PDE4D: variants seen among roughly 807,000 people sequenced by gnomAD.
PDE4D encodes the protein phosphodiesterase 4D, also known as 3',5'-cyclic-AMP phosphodiesterase 4D.
Under a neutral mutation model 87.4 loss-of-function variants are expected in PDE4D, and 24 were observed. That is an observed-to-expected ratio of 0.27 (90% CI 0.20 to 0.39). The LOEUF (loss-of-function observed/expected upper bound fraction) is 0.39, where lower values mean the gene tolerates loss of function less well. PDE4D is among the 10% of genes least tolerant of loss of function. The probability of loss-of-function intolerance (pLI) is 1.00; values close to 1 mark genes in which losing one functional copy is unlikely to be tolerated. For missense variants in PDE4D, 714 were observed against 1,041.0 expected (o/e 0.69, Z 4.32); for synonymous variants, 384 against 383.2 (o/e 1.00, Z -0.02).
chr5:58,973,953 GCA>G lies in PDE4D; in HGVS notation c.*709_*710del, dbSNP rs1219958829. ...ATAAATTAGATTTTTATCCAGTGTA[GCA>G]CAGATTTGTACTGAAAACTTGCAAG... On this transcript the variant is annotated 3_prime_UTR_variant, in exon 15 of 15. Coordinates refer to ENST00000340635, the MANE Select transcript of PDE4D (RefSeq NM_001104631.2). 1 of 152,528 alleles carries G rather than the reference GCA, an allele frequency of 6.6e-6. No homozygotes were observed. Among genetic ancestry groups the G allele is most frequent in the Non-Finnish European group, 1.5e-5 (1 of 68,010 alleles). The allele number at this position is 152,528 out of a possible 1,614,324, so 9.4% of individuals were successfully genotyped here. A position where few individuals can be genotyped will look rare whatever the true frequency, so the allele number is the denominator to read the frequency against.
At chr5:60,298,003 T>C (rs901726856) in intron 1 of PDE4D, among the ~76,000 whole-genome samples, 2 of 152,242 alleles carry the variant, frequency 1.3e-5, no homozygotes, top group African/African-American at 4.8e-5. Flanking sequence ...AAATAATGTA[T>C]TTCTCAATTA....
chr5:59,810,013 A>T (rs1021421167), intron 1 of PDE4D, among the ~76,000 whole-genome samples: 6 of 152,246 alleles, frequency 3.9e-5, no homozygotes, highest in African/African-American at 1.4e-4. Flanking sequence ...CTCATAAGTC[A>T]CGTGAATCCT....
chr5:59,547,422 C>T (rs1014874427), intron 1 of PDE4D, among the ~76,000 whole-genome samples: 3 of 152,058 alleles, frequency 2.0e-5, no homozygotes, highest in African/African-American at 7.2e-5. Context: ...TAGAATTTAA[C>T]ACCTTGCCTA....
chr5:59,986,066 T>C (rs1762434913), intron 3 of PDE4D, among the ~76,000 whole-genome samples: 1 of 152,210 alleles, frequency 6.6e-6, no homozygotes, highest in Non-Finnish European at 1.5e-5. Context: ...GGAAACTGTT[T>C]TTAGCAATAC....
intron 1 of PDE4D, among the ~76,000 whole-genome samples, chr5:60,309,961 T>C (rs1260912267): frequency 6.6e-6 from 1 of 152,216 alleles, no homozygotes; most frequent in Non-Finnish European, 1.5e-5. Context: ...TAATCTAATA[T>C]ATAAGTAACA....
intron 2 of PDE4D, among the ~76,000 whole-genome samples, chr5:60,091,972 A>C (rs2149311680): frequency 6.9e-6 from 1 of 145,026 alleles, no homozygotes; most frequent in Non-Finnish European, 1.5e-5. Flanking sequence ...AATGGCGTGA[A>C]CCCGGGAGGC....
At chr5:60,198,615 C>T (rs1271070305) in intron 1 of PDE4D, among the ~76,000 whole-genome samples, 2 of 151,624 alleles carry the variant, frequency 1.3e-5, no homozygotes, top group Non-Finnish European at 3.0e-5. Flanking sequence ...GTACCTAACT[C>T]TAAGAAGGCA....
chr5:59,431,996 A>T (rs1017552129), intron 1 of PDE4D, among the ~76,000 whole-genome samples: 2 of 152,018 alleles, frequency 1.3e-5, no homozygotes, highest in Admixed American at 6.6e-5. Context: ...TACCATTTCT[A>T]TTCAATAATT....
intron 1 of PDE4D, among the ~76,000 whole-genome samples, chr5:59,626,861 C>T (rs1423260778): frequency 6.6e-6 from 1 of 152,166 alleles, no homozygotes; most frequent in Admixed American, 6.5e-5. Flanking sequence ...TCTATTGCTT[C>T]CTATGCCTCA....
At position 60,497,672 on chromosome 5, in the gene PDE4D, T is replaced by C. The variant is rs116402751; in HGVS notation, n.70+24379A>G. ...TCCCACCTTGGCCTCCCAAAGTATT[T>C]AGATTACAGTGTGAGTCATGGGGCA... On this transcript the variant is annotated intron_variant and non_coding_transcript_variant, in intron 1 of 2. Transcript: ENST00000506510. Among the ~76,000 whole-genome samples the C allele has an allele frequency of 2.0e-3, 309 of 152,206 alleles. 2 individuals are homozygous for C. Among genetic ancestry groups the C allele is most frequent in the African/African-American group, 7.2e-3 (298 of 41,530 alleles).
intron 3 of PDE4D, among the ~76,000 whole-genome samples, chr5:59,972,485 C>A (rs1760888950): frequency 6.6e-6 from 1 of 152,200 alleles, no homozygotes. Flanking sequence ...GTTGATCAAA[C>A]CTAGGTCGCT....
chr5:59,308,355 G>C (rs1771855215), intron 1 of PDE4D, among the ~76,000 whole-genome samples: 1 of 151,968 alleles, frequency 6.6e-6, no homozygotes, highest in South Asian at 2.1e-4. Context: ...AAGAGGTTCT[G>C]TTTTGTTGTG....
At chr5:59,949,522 G>C (rs1416800919) in intron 3 of PDE4D, among the ~76,000 whole-genome samples, 1 of 151,852 alleles carries the variant, frequency 6.6e-6, no homozygotes, top group Admixed American at 6.6e-5. Context: ...CAAACTATCT[G>C]GTTTAACTAT....
intron 1 of PDE4D, among the ~76,000 whole-genome samples, chr5:60,351,345 A>G (rs1759174415): frequency 6.6e-6 from 1 of 152,158 alleles, no homozygotes; most frequent in African/African-American, 2.4e-5. Context: ...GCTTGGCCAA[A>G]TAGCCTAAAT....
chr5:59,403,689 T>C (rs1049224578), intron 1 of PDE4D, among the ~76,000 whole-genome samples: 2 of 152,190 alleles, frequency 1.3e-5, no homozygotes, highest in Non-Finnish European at 2.9e-5. Flanking sequence ...TGTACCACAT[T>C]TTCTTTATTC....
Position 58,975,601 on chromosome 5 carries a change from C to A in PDE4D, c.2013+56G>T. ...ACTATCATATGTAATACAAAGTAAC[C>A]AAATGCTAAAGCGGTAGCTCTGTTC... On this transcript the variant is annotated intron_variant, in intron 14 of 14. Coordinates refer to ENST00000340635, the MANE Select transcript of PDE4D (RefSeq NM_001104631.2). This position sits in a 1 kb window ranked among gnomAD's most constrained non-coding sequence, Gnocchi z 4.2. The A allele has an allele frequency of 2.2e-6, 3 of 1,349,466 alleles. No individual in the cohort carries two copies. Among genetic ancestry groups the A allele is most frequent in the South Asian group, 3.9e-5 (2 of 51,850 alleles). The allele number at this position is 1,349,466 out of a possible 1,614,324, so 83.6% of individuals were successfully genotyped here.
chr5:60,072,713 T>A (rs561238333), intron 2 of PDE4D, among the ~76,000 whole-genome samples: 1 of 152,234 alleles, frequency 6.6e-6, no homozygotes, highest in African/African-American at 2.4e-5. Flanking sequence ...CCAGTTTCAA[T>A]CTCCTGCATA....
At chr5:60,167,624 T>C (rs1348257352) in intron 2 of PDE4D, among the ~76,000 whole-genome samples, 1 of 152,202 alleles carries the variant, frequency 6.6e-6, no homozygotes, top group Non-Finnish European at 1.5e-5. Flanking sequence ...ATTTTGTTCA[T>C]TGTATATTTT....
intron 1 of PDE4D, among the ~76,000 whole-genome samples, chr5:59,428,412 CCCTT>C (rs1350968056): frequency 6.6e-6 from 1 of 152,050 alleles, no homozygotes; most frequent in East Asian, 1.9e-4. Context: ...TTCCCTCCCT[CCCTT>C]CCATCCTTCC....
Sources: gnomAD v4.1 joint callset for allele counts (sites outside exome capture counted in the v4.1 genomes callset) on GRCh38, gnomAD v4.1.1 for gene constraint, Gnocchi (gnomAD v3.1) non-coding constraint, MANE v1.5 for transcripts, NCBI Gene and HGNC (gene_info 2026-07-23, HGNC 2026-07-21) for gene names.